CNTNAP5: variants seen among roughly 807,000 people sequenced by gnomAD.
CNTNAP5 encodes the protein contactin-associated protein-like 5.
CNTNAP5 carries 72 observed loss-of-function variants against 150.2 expected under a neutral mutation model. The observed-to-expected ratio is 0.48, with a 90% confidence interval of 0.40 to 0.58. The LOEUF (loss-of-function observed/expected upper bound fraction) is 0.58. CNTNAP5 is among the 20% of genes least tolerant of loss of function. CNTNAP5 has a pLI of 0.00. For synonymous variants in CNTNAP5, 672 were observed against 619.8 expected (o/e 1.08, Z -1.25); for missense variants, 1,636 against 1,626.2 (o/e 1.01, Z -0.10).
At chr2:124,620,471 G>A (rs946900344) in intron 12 of CNTNAP5, among the ~76,000 whole-genome samples, 7 of 152,026 alleles carry the variant, frequency 4.6e-5, no homozygotes, top group Admixed American at 3.9e-4. Context: ...TCTCCAAGTT[G>A]CTGTTTCCTT....
chr2:124,441,611 G>A (rs1692676235), intron 5 of CNTNAP5, among the ~76,000 whole-genome samples: 1 of 151,898 alleles, frequency 6.6e-6, no homozygotes, highest in Admixed American at 6.6e-5. Context: ...AATAATGTAA[G>A]TATTTTATAA....
At chr2:124,698,856 G>T (rs548583114) in intron 13 of CNTNAP5, among the ~76,000 whole-genome samples, 1 of 152,212 alleles carries the variant, frequency 6.6e-6, no homozygotes, top group East Asian at 1.9e-4. Context: ...GACTCACTCT[G>T]CCCTCTTTCC....
intron 13 of CNTNAP5, among the ~76,000 whole-genome samples, chr2:124,655,262 GTGTTACTTTGCTGAGAA>G (rs1044254414): frequency 1.3e-5 from 2 of 151,984 alleles, no homozygotes; most frequent in African/African-American, 4.8e-5. Context: ...TTCTGTTCTT[GTGTTACTTTGCTGAGAA>G]TGTTGGTTTT....
intron 17 of CNTNAP5, among the ~76,000 whole-genome samples, chr2:124,783,138 G>A (rs531134704): frequency 9.9e-5 from 15 of 152,226 alleles, no homozygotes; most frequent in Admixed American, 2.6e-4. Flanking sequence ...AGCTTCTGGC[G>A]TGCTGGTAAA....
At chr2:124,801,768 G>A (rs6711854) in intron 19 of CNTNAP5, among the ~76,000 whole-genome samples, 3,384 of 152,216 alleles carry the variant, frequency 0.022, 129 homozygotes, top group African/African-American at 0.078. Flanking sequence ...AGAATCATGG[G>A]GGGTGAGAAT....
At chr2:124,675,119 TA>T (rs1484767375) in intron 13 of CNTNAP5, among the ~76,000 whole-genome samples, 1 of 152,158 alleles carries the variant, frequency 6.6e-6, no homozygotes, top group Non-Finnish European at 1.5e-5. Context: ...CTCATTACTT[TA>T]GGGCTCTGTT....
At chr2:124,579,231 T>C (rs1169557047) in intron 11 of CNTNAP5, among the ~76,000 whole-genome samples, 2 of 152,224 alleles carry the variant, frequency 1.3e-5, no homozygotes. Flanking sequence ...TTGGAGTAAA[T>C]GAGGCAATGA....
chr2:124,461,806 A>T (rs1423291752), intron 6 of CNTNAP5, among the ~76,000 whole-genome samples: 1 of 150,998 alleles, frequency 6.6e-6, no homozygotes, highest in Non-Finnish European at 1.5e-5. Context: ...GGTTGCAGTG[A>T]GCCAAGATTG....
chr2:124,322,764 C>T (rs1448521779), intron 3 of CNTNAP5, among the ~76,000 whole-genome samples: 6 of 152,118 alleles, frequency 3.9e-5, no homozygotes, highest in Non-Finnish European at 7.4e-5. Flanking sequence ...GGAGCAGGTC[C>T]TCAGGTGATG....
intron 3 of CNTNAP5, among the ~76,000 whole-genome samples, chr2:124,292,600 A>G (rs892229748): frequency 3.3e-5 from 5 of 152,166 alleles, no homozygotes; most frequent in African/African-American, 1.2e-4. Flanking sequence ...CAATCTGATC[A>G]TAGATTGAAG....
At chr2:124,352,121 C>A (rs1431297614) in intron 3 of CNTNAP5, among the ~76,000 whole-genome samples, 1 of 151,838 alleles carries the variant, frequency 6.6e-6, no homozygotes, top group Non-Finnish European at 1.5e-5. Flanking sequence ...ACAAACAGGA[C>A]AGGCACACAA....
At chr2:124,161,440 G>T (rs1364310605) in intron 1 of CNTNAP5, among the ~76,000 whole-genome samples, 1 of 152,128 alleles carries the variant, frequency 6.6e-6, no homozygotes. Flanking sequence ...TGGTAGCCTT[G>T]CATGGCCCAT....
At chr2:124,154,181 TG>T (rs1392193019) in intron 1 of CNTNAP5, among the ~76,000 whole-genome samples, 2 of 152,152 alleles carry the variant, frequency 1.3e-5, no homozygotes, top group Non-Finnish European at 2.9e-5. Context: ...CCTTGTGAAG[TG>T]GGCCCTTTTG....
At chr2:124,906,956 A>G (rs1313065408) in intron 22 of CNTNAP5, among the ~76,000 whole-genome samples, 1 of 152,112 alleles carries the variant, frequency 6.6e-6, no homozygotes, top group African/African-American at 2.4e-5. Context: ...AATAAGAAAC[A>G]TTTAAAGTCC....
rs200272448 is a variant in CNTNAP5, at chr2:124,290,883, T to C, written c.381+48490T>C. 7.7e-4 allele frequency among the ~76,000 whole-genome samples: 48 copies of C among 62,510 alleles called. No homozygotes were observed. The East Asian group carries it at 0.023, about 29-fold the overall frequency. The allele number at this position is 62,510 out of a possible 152,430, so 41.0% of individuals were successfully genotyped here. A position where few individuals can be genotyped will look rare whatever the true frequency, so the allele number is the denominator to read the frequency against. Reference sequence around the variant, plus strand: ...AGTCTCATCTTCCTTCCTTTATTTATTTATTTATTTATTTATTTATTTATT... The same window carrying C: ...AGTCTCATCTTCCTTCCTTTATTTACTTATTTATTTATTTATTTATTTATT... On this transcript the variant is annotated intron_variant, in intron 3 of 23. Transcript: ENST00000682447.
intron 3 of CNTNAP5, among the ~76,000 whole-genome samples, chr2:124,400,405 TA>T (rs1376484791): frequency 2.6e-5 from 4 of 152,126 alleles, no homozygotes; most frequent in African/African-American, 9.7e-5. Flanking sequence ...GCCATGCACA[TA>T]AGAACATAAA....
intron 6 of CNTNAP5, among the ~76,000 whole-genome samples, chr2:124,456,080 G>C (rs1407434115): frequency 1.3e-5 from 2 of 152,118 alleles, no homozygotes; most frequent in Non-Finnish European, 2.9e-5. Flanking sequence ...TAAGACAAGA[G>C]AAAGAAATAA....
At chr2:124,469,643 T>C (rs769780790) in intron 6 of CNTNAP5, among the ~76,000 whole-genome samples, 9 of 152,102 alleles carry the variant, frequency 5.9e-5, no homozygotes, top group South Asian at 4.1e-4. Flanking sequence ...TAAACATGTG[T>C]CATAGTGATT....
intron 13 of CNTNAP5, among the ~76,000 whole-genome samples, chr2:124,659,460 C>T (rs1159039831): frequency 1.3e-5 from 2 of 152,176 alleles, no homozygotes; most frequent in South Asian, 2.1e-4. Flanking sequence ...CAACATAATT[C>T]CCCCACTCTG....
Sources: allele counts gnomAD v4.1 joint callset (sites outside exome capture counted in the v4.1 genomes callset), GRCh38; gene constraint gnomAD v4.1.1; transcripts MANE v1.5; gene names NCBI Gene and HGNC (gene_info 2026-07-23, HGNC 2026-07-21).